Variants in RIT2 observed in about 807,000 individuals in gnomAD.
The protein encoded by RIT2 is GTP-binding protein Rit2.
In RIT2, 24 loss-of-function variants were observed where a neutral mutation model predicts 23.7. That is an observed-to-expected ratio of 1.01 (90% confidence interval 0.73 to 1.43). The LOEUF is 1.43. Among genes scored for constraint, RIT2 ranks in the 40% most tolerant of loss-of-function variants. The probability of loss-of-function intolerance (pLI) is 0.00; values close to 1 mark genes in which losing one functional copy is unlikely to be tolerated. For missense variants in RIT2, 236 were observed against 266.9 expected (o/e 0.88, Z 0.81); for synonymous variants, 107 against 91.1 (o/e 1.17, Z -0.99).
intron 2 of RIT2, among the ~76,000 whole-genome samples, chr18:42,999,585 TGA>T (rs769953375): frequency 1.3e-5 from 2 of 152,068 alleles, no homozygotes; most frequent in Non-Finnish European, 1.5e-5. Flanking sequence ...GCAAATTAAC[TGA>T]GAGTTCCAAA....
intron 4 of RIT2, among the ~76,000 whole-genome samples, chr18:42,762,460 T>C (rs1394873811): frequency 2.0e-5 from 3 of 152,178 alleles, no homozygotes; most frequent in African/African-American, 7.2e-5. Context: ...AAATTTCGGT[T>C]GCAAGATCAT....
chr18:42,810,678 A>C (rs1905826863), intron 4 of RIT2, among the ~76,000 whole-genome samples: 1 of 151,960 alleles, frequency 6.6e-6, no homozygotes, highest in South Asian at 2.1e-4. Flanking sequence ...ATGACGTTAA[A>C]TTTCTTTACT....
intron 3 of RIT2, among the ~76,000 whole-genome samples, chr18:42,927,433 C>G (rs1909211702): frequency 6.6e-6 from 1 of 150,806 alleles, no homozygotes; most frequent in African/African-American, 2.4e-5. Context: ...GCAGTAGAGG[C>G]TGATGGGACT....
At chr18:42,977,247 C>A (rs144277838) in intron 2 of RIT2, among the ~76,000 whole-genome samples, 84 of 152,078 alleles carry the variant, frequency 5.5e-4, no homozygotes, top group Non-Finnish European at 8.4e-4. Context: ...AATATCTATA[C>A]TTCTGTAAAA....
intron 4 of RIT2, among the ~76,000 whole-genome samples, chr18:42,748,543 G>A (rs1284442366): frequency 6.6e-6 from 1 of 151,978 alleles, no homozygotes; most frequent in African/African-American, 2.4e-5. Context: ...ATTCTGTAAA[G>A]AACTAAAAGT....
intron 1 of RIT2, among the ~76,000 whole-genome samples, chr18:43,089,264 A>G (rs767161509): frequency 2.0e-5 from 3 of 152,104 alleles, no homozygotes; most frequent in Admixed American, 6.6e-5. Flanking sequence ...TACAAAATCA[A>G]TGTGCGAAAA....
In RIT2 at chr18:43,035,549, C is replaced by T. The variant is rs564098776; in HGVS notation, c.104-1682G>A. Among the ~76,000 whole-genome samples the T allele has an allele frequency of 5.3e-5, 8 of 152,276 alleles. No homozygotes were observed. The East Asian group carries it at 1.5e-3, about 29-fold the overall frequency. On this transcript the variant is annotated intron_variant, in intron 1 of 4. Coordinates refer to ENST00000326695, the MANE Select transcript of RIT2 (RefSeq NM_002930.4). ...TAAACTTTCGTACTTCCATATTCAT[C>T]TTTTCATAACCCAGATTTAGCAAGA...
intron 4 of RIT2, among the ~76,000 whole-genome samples, chr18:42,871,648 C>T (rs925681767): frequency 4.6e-5 from 7 of 152,152 alleles, no homozygotes; most frequent in African/African-American, 1.4e-4. Flanking sequence ...ATCGCCAAAA[C>T]TCATTATTCC....
intron 2 of RIT2, among the ~76,000 whole-genome samples, chr18:43,023,199 A>G (rs1911636466): frequency 6.6e-6 from 1 of 152,052 alleles, no homozygotes; most frequent in South Asian, 2.1e-4. Flanking sequence ...AACTTCACAT[A>G]GTAGATTGGA....
chr18:43,087,846 G>A (rs1339346078), intron 1 of RIT2, among the ~76,000 whole-genome samples: 2 of 152,140 alleles, frequency 1.3e-5, no homozygotes, highest in Admixed American at 6.6e-5. Context: ...AGCACAAACA[G>A]CACTAGTCGG....
intron 1 of RIT2, among the ~76,000 whole-genome samples, chr18:43,068,855 T>C (rs895330999): frequency 6.6e-6 from 1 of 152,076 alleles, no homozygotes; most frequent in African/African-American, 2.4e-5. Context: ...GTTTGTGTGA[T>C]TTTTGAACCT....
intron 1 of RIT2, among the ~76,000 whole-genome samples, chr18:43,080,996 G>A (rs1173319729): frequency 2.0e-5 from 3 of 152,186 alleles, no homozygotes; most frequent in Admixed American, 2.0e-4. Flanking sequence ...CAGATGGCCA[G>A]CCTAGTCTAA....
At chr18:43,094,112 G>T (rs1025526680) in intron 1 of RIT2, among the ~76,000 whole-genome samples, 1 of 120,958 alleles carries the variant, frequency 8.3e-6, no homozygotes, top group African/African-American at 2.9e-5. Context: ...TGGTATTAGT[G>T]GGTTTTTTTT....
chr18:43,083,284 C>G (rs1913201530), intron 1 of RIT2, among the ~76,000 whole-genome samples: 1 of 152,058 alleles, frequency 6.6e-6, no homozygotes, highest in Non-Finnish European at 1.5e-5. Context: ...GAATTAATAT[C>G]ATGAAAATGG....
At chr18:42,780,481 C>G (rs938461437) in intron 4 of RIT2, among the ~76,000 whole-genome samples, 2 of 152,056 alleles carry the variant, frequency 1.3e-5, no homozygotes, top group Non-Finnish European at 2.9e-5. Context: ...GTGTCAGACT[C>G]TCTGGAAAAG....
chr18:42,864,134 TTTCC>T (rs1470118208), intron 4 of RIT2, among the ~76,000 whole-genome samples: 20 of 152,262 alleles, frequency 1.3e-4, no homozygotes, highest in Admixed American at 2.6e-4. Context: ...GATGTAACAC[TTTCC>T]TATCAATCAC....
chr18:42,947,376 T>C (rs1909752191), intron 3 of RIT2, among the ~76,000 whole-genome samples: 1 of 152,100 alleles, frequency 6.6e-6, no homozygotes, highest in African/African-American at 2.4e-5. Flanking sequence ...GATGTTGTGA[T>C]CAGTCGATTA....
chr18:42,936,862 A>C (rs1213769967), intron 3 of RIT2, among the ~76,000 whole-genome samples: 2 of 152,138 alleles, frequency 1.3e-5, no homozygotes, highest in Non-Finnish European at 2.9e-5. Context: ...ATATACAAAA[A>C]GTAGCCGGGC....
intron 1 of RIT2, among the ~76,000 whole-genome samples, chr18:43,065,829 G>A (rs1377026243): frequency 1.3e-5 from 2 of 152,074 alleles, no homozygotes; most frequent in African/African-American, 4.8e-5. Context: ...AATTTAGAAA[G>A]GTAGAAGTGG....
Sources: gnomAD v4.1 joint callset for allele counts (sites outside exome capture counted in the v4.1 genomes callset) on GRCh38, gnomAD v4.1.1 for gene constraint, MANE v1.5 for transcripts, NCBI Gene and HGNC (gene_info 2026-07-23, HGNC 2026-07-21) for gene names.